Variants in ZXDB observed in about 807,000 individuals in gnomAD.
ZXDB encodes the protein zinc finger X-linked duplicated B, also known as zinc finger X-linked protein ZXDB.
For missense variants in ZXDB, 413 were observed against 679.1 expected (o/e 0.61, Z 4.36); for synonymous variants, 273 against 314.3 (o/e 0.87, Z 1.39).
chrX:57,592,445 G>T lies in ZXDB; in HGVS notation c.397G>T (p.Gly133Cys). 8.6e-7 allele frequency: 1 copy of T among 1,161,060 alleles called. No homozygotes were observed. The change falls in exon 1 of 1, where the codon GGC (glycine) becomes TGC (cysteine). Residue 133 changes from glycine (G) to cysteine (C), a missense_variant. Coordinates refer to ENST00000374888, the MANE Select transcript of ZXDB (RefSeq NM_007157.4). ...EGPGLQGGES[G>C]ANPAGPTALG... ...CCCGGGGCTCCAGGGGGGCGAGAGC[G>T]GCGCGAATCCCGCGGGGCCCACTGC...
In ZXDB at chrX:57,592,589, G is replaced by C. The variant is rs773658610; in HGVS notation, c.541G>C (p.Glu181Gln). The C allele has an allele frequency of 4.8e-5, 57 of 1,198,344 alleles. No homozygotes were observed. The highest frequency in any genetic ancestry group is 6.3e-5 in the Non-Finnish European group (56 of 890,601). ...IHNQDLLLRF[E>Q]NGVLTLATPP... The stretch of plus-strand genomic sequence containing the variant: ...CAACCAGGACCTGCTGTTGCGCTTT[G>C]AGAACGGCGTCCTCACCCTGGCCAC... The change falls in exon 1 of 1, where the codon GAG becomes CAG. Residue 181 changes from glutamate (E) to glutamine (Q), a missense_variant. Physicochemically the swap from Glu to Gln is conservative, Grantham distance 29. Transcript: ENST00000374888.
At position 57,592,155 on chromosome X, in the gene ZXDB, C is replaced by T. The variant is rs1470585368; in HGVS notation, c.107C>T (p.Ala36Val). Reference sequence around the variant, plus strand: ...GTCCACCGAGGCCCTGACTCGCCGGCTGGCCAGGTCCCCACGCGCCGCCTC... The same window carrying T: ...GTCCACCGAGGCCCTGACTCGCCGGTTGGCCAGGTCCCCACGCGCCGCCTC... ...GRVHRGPDSP[A>V]GQVPTRRLLL... is the part of the protein sequence containing the mutation. The change falls in exon 1 of 1, where the codon GCT becomes GTT. Residue 36 changes from alanine to valine, a missense_variant. Physicochemically the swap from Ala to Val is moderately conservative, Grantham distance 64 (BLOSUM62 0). Transcript: ENST00000374888. The T allele has an allele frequency of 8.6e-6, 9 of 1,043,305 alleles. No homozygotes were observed. The highest frequency in any genetic ancestry group is 9.8e-6 in the Non-Finnish European group (8 of 819,729). 86.0% of individuals were successfully genotyped at this position (1,043,305 alleles called of 1,213,427 possible). A position where few individuals can be genotyped will look rare whatever the true frequency, so the allele number is the denominator to read the frequency against.
Position 57,593,173 on chromosome X carries a change from G to T in ZXDB, c.1125G>T (p.Thr375=). ...KCEVCEESFP[T]QAKLSAHQRS... is the part of the protein sequence containing the mutation. ...AGGTGTGCGAGGAGAGCTTCCCCACGCAGGCCAAACTCAGCGCCCACCAGC... is the reference window on the plus strand; with the variant it reads ...AGGTGTGCGAGGAGAGCTTCCCCACTCAGGCCAAACTCAGCGCCCACCAGC... The change falls in exon 1 of 1, where the codon ACG becomes ACT. Residue 375 remains threonine, a synonymous_variant. Transcript: ENST00000374888. 1.7e-6 allele frequency: 2 copies of T among 1,211,857 alleles called. No individual in the cohort carries two copies. The highest frequency in any genetic ancestry group is 2.3e-4 in the Middle Eastern group (1 of 4,354).
At position 57,596,273 on chromosome X, in the gene ZXDB, C is replaced by A. The variant is rs1420047042; in HGVS notation, c.*1813C>A. On this transcript the variant is annotated 3_prime_UTR_variant, in exon 1 of 1. Coordinates refer to ENST00000374888, the MANE Select transcript of ZXDB (RefSeq NM_007157.4). ...GTCAGGCTTCTCTGTGACTGTGAAG[C>A]CTGCTGTTCCCTGAAAATCTGATAA... 1 of 123,346 alleles carries A rather than the reference C, an allele frequency of 8.1e-6. No homozygotes were observed. The highest frequency in any genetic ancestry group is 1.9e-5 in the Non-Finnish European group (1 of 53,228). 10.2% of individuals were successfully genotyped at this position (123,346 alleles called of 1,213,427 possible). A position where few individuals can be genotyped will look rare whatever the true frequency, so the allele number is the denominator to read the frequency against.
At position 57,592,796 on chromosome X, in the gene ZXDB, G is replaced by A; in HGVS notation, c.748G>A (p.Glu250Lys). ...AGCTCCGGCGCCTGAGGAGGAGGCG[G>A]AGGGCCCGGCCGCCGCCCTGGGCCC... The part of the protein sequence containing the change: ...APAPAPEEEA[E>K]GPAAALGPRG... Residue 250 changes from glutamate (E) to lysine (K), a missense_variant, in exon 1 of 1, where the codon GAG (glutamate) becomes AAG (lysine). Physicochemically the swap from Glu to Lys is moderately conservative, Grantham distance 56 (BLOSUM62 1). Coordinates refer to ENST00000374888, the MANE Select transcript of ZXDB (RefSeq NM_007157.4). 1 of 1,147,198 alleles carries A rather than the reference G, an allele frequency of 8.7e-7. No homozygotes were observed. Among genetic ancestry groups the A allele is most frequent in the Non-Finnish European group, 1.2e-6 (1 of 866,782 alleles). 94.5% of individuals were successfully genotyped at this position (1,147,198 alleles called of 1,213,427 possible).
At position 57,595,988 on chromosome X, in the gene ZXDB, C is replaced by T. The variant is rs1264829851; in HGVS notation, c.*1528C>T. The T allele has an allele frequency of 8.1e-6, 1 of 123,439 alleles. No individual in the cohort carries two copies. Among genetic ancestry groups the T allele is most frequent in the Non-Finnish European group, 1.9e-5 (1 of 53,308 alleles). The allele number at this position is 123,439 out of a possible 1,213,427, so 10.2% of individuals were successfully genotyped here. ...TTTGTACCATTTTTATCCTCTCAGTCCTTCCTTTTATAAGACAATAATTGG... is the reference window on the plus strand; with the variant it reads ...TTTGTACCATTTTTATCCTCTCAGTTCTTCCTTTTATAAGACAATAATTGG... On this transcript the variant is annotated 3_prime_UTR_variant, in exon 1 of 1. Transcript: ENST00000374888.
Position 57,597,099 on chromosome X carries a change from G to A in ZXDB, c.*2639G>A, listed in dbSNP as rs2057912914. 1 of 123,280 alleles carries A rather than the reference G, an allele frequency of 8.1e-6. No individual in the cohort carries two copies. Among genetic ancestry groups the A allele is most frequent in the African/African-American group, 3.3e-5 (1 of 30,763 alleles). The allele number at this position is 123,280 out of a possible 1,213,427, so 10.2% of individuals were successfully genotyped here. ...TGGATGTCTGTGGATGACAGTTATT[G>A]TAGCACTTTGGCAGTGCACTAAAAT... On this transcript the variant is annotated 3_prime_UTR_variant, in exon 1 of 1. Coordinates refer to ENST00000374888, the MANE Select transcript of ZXDB (RefSeq NM_007157.4).
Position 57,592,459 on chromosome X carries a change from G to C in ZXDB, c.411G>C (p.Ala137=), listed in dbSNP as rs746793296. 2 of 1,167,496 alleles carry C rather than the reference G, an allele frequency of 1.7e-6. No individual in the cohort carries two copies. The highest frequency in any genetic ancestry group is 1.8e-5 in the African/African-American group (1 of 54,537). ...GGGGCGAGAGCGGCGCGAATCCCGC[G>C]GGGCCCACTGCGCTAGGCCCCCGCT... The part of the protein sequence containing the change: ...LQGGESGANP[A]GPTALGPRCL... Residue 137 remains alanine, a synonymous_variant, in exon 1 of 1, where the codon GCG becomes GCC. Coordinates refer to ENST00000374888, the MANE Select transcript of ZXDB (RefSeq NM_007157.4).
In ZXDB at chrX:57,594,346, C is replaced by T; in HGVS notation, c.2298C>T (p.Asp766=). ...KAEWNVHPDS[D]FFGQEGETQF... is the part of the protein sequence containing the mutation. ...AGTGGAACGTACATCCTGACTCTGA[C>T]TTCTTTGGACAGGAGGGAGAAACCC... is the stretch of plus-strand genomic sequence containing the variant. The change falls in exon 1 of 1, where the codon GAC becomes GAT. Residue 766 remains aspartate, a synonymous_variant. Coordinates refer to ENST00000374888, the MANE Select transcript of ZXDB (RefSeq NM_007157.4). The T allele has an allele frequency of 8.3e-7, 1 of 1,211,942 alleles. No homozygotes were observed.
In ZXDB at chrX:57,592,878, A is replaced by T. The variant is rs45591432; in HGVS notation, c.830A>T (p.Gln277Leu). The T allele has an allele frequency of 3.8e-4, 445 of 1,182,214 alleles. 1 individual carries two copies. The highest frequency in any genetic ancestry group is 4.3e-4 in the Non-Finnish European group (381 of 881,691). ...GTGCTGTACTTGTGCCCCGAGGCGC[A>T]GTGCGGGCAAACCTTCGCCAAGAAG... ...GVVLYLCPEA[Q>L]CGQTFAKKHQ... Residue 277 changes from glutamine (Q) to leucine (L), a missense_variant, in exon 1 of 1, where the codon CAG (glutamine) becomes CTG (leucine). By Grantham distance (113) the Gln-to-Leu change is moderately radical. Transcript: ENST00000374888.
chrX:57,594,711 A>G lies in ZXDB; in HGVS notation c.*251A>G. ...TTATAAATTGAGGTGGTTTGAATAGATTGCTTTTAAGGTCTTTCTGCTCTG... is the reference window on the plus strand; with the variant it reads ...TTATAAATTGAGGTGGTTTGAATAGGTTGCTTTTAAGGTCTTTCTGCTCTG... On this transcript the variant is annotated 3_prime_UTR_variant, in exon 1 of 1. Coordinates refer to ENST00000374888, the MANE Select transcript of ZXDB (RefSeq NM_007157.4). The G allele has an allele frequency of 3.1e-6, 1 of 326,514 alleles. No individual in the cohort carries two copies. The highest frequency in any genetic ancestry group is 5.4e-6 in the Non-Finnish European group (1 of 184,962). 26.9% of individuals were successfully genotyped at this position (326,514 alleles called of 1,213,427 possible).
chrX:57,594,457 A>G lies in ZXDB; in HGVS notation c.2409A>G (p.Val803=), dbSNP rs778223106. The change falls in exon 1 of 1, where the codon GTA becomes GTG. Residue 803 remains valine, a synonymous_variant. Transcript: ENST00000374888. ...CTGTGACTGGCAGCTCATTTTTGGT[A>G]TGAACCAACTCTATTCATTCCTCAT... ...LITVTGSSFL[V] The G allele has an allele frequency of 1.5e-5, 18 of 1,201,918 alleles. No individual in the cohort carries two copies. The highest frequency in any genetic ancestry group is 1.8e-5 in the South Asian group (1 of 54,784).
Position 57,593,568 on chromosome X carries a change from C to T in ZXDB, c.1520C>T (p.Thr507Ile), listed in dbSNP as rs764321515. The T allele has an allele frequency of 5.8e-6, 7 of 1,209,668 alleles. No individual in the cohort carries two copies. The Admixed American group carries it at 1.3e-4, about 23-fold the overall frequency. Residue 507 changes from threonine (T) to isoleucine (I), a missense_variant, in exon 1 of 1, where the codon ACC becomes ATC. Thr to Ile is a moderately conservative substitution (Grantham distance 89, BLOSUM62 -1). Transcript: ENST00000374888. ...GAACATCTGAAAGGCCACAGCATAA[C>T]CCACCTGGGCACAAAGCCTTTCGTG... ...RAEHLKGHSI[T>I]HLGTKPFVCP...
At position 57,593,870 on chromosome X, in the gene ZXDB, G is replaced by C; in HGVS notation, c.1822G>C (p.Val608Leu). ...GAATGATCTCAGTGATGCAGAGATAGTGTCTCTCTTCTCTGATGTACCTGA... is the reference window on the plus strand; with the variant it reads ...GAATGATCTCAGTGATGCAGAGATACTGTCTCTCTTCTCTGATGTACCTGA... Reference protein sequence around the residue: ...RQNDLSDAEIVSLFSDVPDST... With the variant: ...RQNDLSDAEILSLFSDVPDST... The change falls in exon 1 of 1, where the codon GTG becomes CTG. Residue 608 changes from valine to leucine, a missense_variant. Physicochemically the swap from Val to Leu is conservative, Grantham distance 32. Coordinates refer to ENST00000374888, the MANE Select transcript of ZXDB (RefSeq NM_007157.4). The C allele has an allele frequency of 2.5e-6, 3 of 1,202,946 alleles. No individual in the cohort carries two copies. The highest frequency in any genetic ancestry group is 1.8e-5 in the African/African-American group (1 of 56,591).
rs1215603735 is a variant in ZXDB, at chrX:57,592,024, C to T, written c.-25C>T. The T allele has an allele frequency of 9.8e-6, 10 of 1,020,295 alleles. No individual in the cohort carries two copies. The highest frequency in any genetic ancestry group is 1.2e-5 in the Non-Finnish European group (10 of 802,564). 84.1% of individuals were successfully genotyped at this position (1,020,295 alleles called of 1,213,427 possible). A position where few individuals can be genotyped will look rare whatever the true frequency, so the allele number is the denominator to read the frequency against. ...TCGCGCCTCCTCCTCGGCTCTGGTTCCAGCCGAGCCTCTCGGACGCAGAGA... is the reference window on the plus strand; with the variant it reads ...TCGCGCCTCCTCCTCGGCTCTGGTTTCAGCCGAGCCTCTCGGACGCAGAGA... On this transcript the variant is annotated 5_prime_UTR_variant, in exon 1 of 1. Coordinates refer to ENST00000374888, the MANE Select transcript of ZXDB (RefSeq NM_007157.4).
At position 57,593,395 on chromosome X, in the gene ZXDB, C is replaced by G. The variant is rs753036689; in HGVS notation, c.1347C>G (p.Thr449=). ...TGAAAATTCACCTGCGGAGTCACAC[C>G]GGCGAGAGACCTTTCCTTTGTGACT... The part of the protein sequence containing the change: ...CRLKIHLRSH[T]GERPFLCDFD... The change falls in exon 1 of 1, where the codon ACC becomes ACG. Residue 449 remains threonine (T), a synonymous_variant. Transcript: ENST00000374888. The G allele has an allele frequency of 8.3e-7, 1 of 1,211,662 alleles. No homozygotes were observed. Among genetic ancestry groups the G allele is most frequent in the Non-Finnish European group, 1.1e-6 (1 of 895,440 alleles).
Position 57,596,413 on chromosome X carries a change from T to C in ZXDB, c.*1953T>C, listed in dbSNP as rs2057910897. 8.1e-6 allele frequency: 1 copy of C among 123,465 alleles called. No individual in the cohort carries two copies. The highest frequency in any genetic ancestry group is 2.8e-4 in the East Asian group (1 of 3,601). 10.2% of individuals were successfully genotyped at this position (123,465 alleles called of 1,213,427 possible). A position where few individuals can be genotyped will look rare whatever the true frequency, so the allele number is the denominator to read the frequency against. The stretch of plus-strand genomic sequence containing the variant: ...TGGAATATTGTGTAAACTATCTGTC[T>C]TACATTAGTGTAGCATTTTGCAATT... On this transcript the variant is annotated 3_prime_UTR_variant, in exon 1 of 1. Transcript: ENST00000374888.
chrX:57,592,949 CAG>C lies in ZXDB; in HGVS notation c.904_905del (p.Arg302AlafsTer57). 1 of 1,204,851 alleles carries C rather than the reference CAG, an allele frequency of 8.3e-7. No individual in the cohort carries two copies. Among genetic ancestry groups the C allele is most frequent in the Non-Finnish European group, 1.1e-6 (1 of 892,134 alleles). The stretch of plus-strand genomic sequence containing the variant: ...GCTGACGCACAGCAGCAGCCAGGGC[CAG>C]AGGCCCTTCAAATGCCCCCTGGGTG... ...HLLTHSSSQG[Q>X]RPFKCPLGGC... On this transcript the variant is annotated frameshift_variant, in exon 1 of 1. Coordinates refer to ENST00000374888, the MANE Select transcript of ZXDB (RefSeq NM_007157.4). LOFTEE classifies it low-confidence loss of function (END_TRUNC).
rs1261294966 is a variant in ZXDB at position 57,592,422 on chromosome X, C to T, written c.374C>T (p.Pro125Leu). The T allele has an allele frequency of 1.7e-6, 2 of 1,163,495 alleles. No individual in the cohort carries two copies. Among genetic ancestry groups the T allele is most frequent in the South Asian group, 1.9e-5 (1 of 52,220 alleles). The stretch of plus-strand genomic sequence containing the variant: ...TTGAGGGAGGAGGCCGAGGAGGGCC[C>T]GGGGCTCCAGGGGGGCGAGAGCGGC... ...PVLREEAEEG[P>L]GLQGGESGAN... The change falls in exon 1 of 1, where the codon CCG becomes CTG. Residue 125 changes from proline to leucine, a missense_variant. Pro to Leu is a moderately conservative substitution (Grantham distance 98). Coordinates refer to ENST00000374888, the MANE Select transcript of ZXDB (RefSeq NM_007157.4).
Sources: allele counts gnomAD v4.1 joint callset, GRCh38; gene constraint gnomAD v4.1.1; transcripts MANE v1.5; gene names NCBI Gene and HGNC (gene_info 2026-07-23, HGNC 2026-07-21).